MR1: variants seen among roughly 807,000 people sequenced by gnomAD.
MR1 encodes major histocompatibility complex, class I-related, also known as major histocompatibility complex class I-related protein 1.
MR1 carries 44 observed loss-of-function variants against 37.8 expected under a neutral mutation model. The observed-to-expected ratio is 1.16, with a 90% CI of 0.91 to 1.50. MR1 has a LOEUF of 1.50. Ranked by LOEUF, MR1 falls within the 40% of genes most tolerant of loss-of-function variation. The pLI is 0.00. For synonymous variants in MR1, 153 were observed against 155.8 expected, an observed-to-expected ratio of 0.98 and a Z score of 0.13; for missense variants, 386 against 419.1, an observed-to-expected ratio of 0.92 and a Z score of 0.69.
chr1:181,053,083 A>C (rs926067443), intron 4 of MR1, among the ~76,000 whole-genome samples: 1 of 152,080 alleles, frequency 6.6e-6, no homozygotes, highest in East Asian at 1.9e-4. Context: ...CAAAAAAACA[A>C]AAAACAAAAA....
chr1:181,058,551 A>G lies in MR1; in HGVS notation c.*3286A>G, dbSNP rs1658734216. ...TCCTTTCCTCTCTCCTCTTACTCCC[A>G]TGATTTCCAAGTTGTGATCCTTTCC... is the stretch of plus-strand genomic sequence containing the variant. On this transcript the variant is annotated 3_prime_UTR_variant, in exon 6 of 6. Transcript: ENST00000367580. The G allele has an allele frequency of 6.6e-6, 1 of 152,132 alleles. No individual in the cohort carries two copies. Among genetic ancestry groups the G allele is most frequent in the Admixed American group, 6.5e-5 (1 of 15,276 alleles). 9.4% of individuals were successfully genotyped at this position (152,132 alleles called of 1,614,324 possible). A position where few individuals can be genotyped will look rare whatever the true frequency, so the allele number is the denominator to read the frequency against.
chr1:181,049,891 G>C, intron 2 of MR1, 120 bp from the exon 3 acceptor site: 4 of 1,195,488 alleles, frequency 3.3e-6, no homozygotes, highest in Non-Finnish European at 4.7e-6. Context: ...TGCCATGGCA[G>C]GCCTGGGGGG....
upstream of MR1, chr1:181,033,466 T>G (rs1360313505): frequency 6.6e-6 from 1 of 152,302 alleles, no homozygotes; most frequent in African/African-American, 2.4e-5. Flanking sequence ...TTTTATTCAG[T>G]AAGTGTTTTG....
chr1:181,047,677 C>T (rs1657980331), intron 1 of MR1, among the ~76,000 whole-genome samples: 2 of 151,738 alleles, frequency 1.3e-5, no homozygotes, highest in Non-Finnish European at 2.9e-5. Flanking sequence ...GCAGGCGGAT[C>T]ACGAGGTCAG....
At chr1:181,052,536 A>G (rs1278949365) in intron 4 of MR1, 26 bp downstream of exon 4, 2 of 1,602,138 alleles carry the variant, frequency 1.2e-6, no homozygotes, top group South Asian at 2.2e-5. Flanking sequence ...GTGGCTGTCT[A>G]GGGAGAGAGC....
intron 3 of MR1, chr1:181,051,249 T>C (rs1026318088): frequency 2.2e-5 from 3 of 137,018 alleles, no homozygotes; most frequent in Non-Finnish European, 4.7e-5. Flanking sequence ...AACACACTCC[T>C]AAAAAAACAA....
At chr1:181,044,359 G>A (rs1657743110) in intron 1 of MR1, among the ~76,000 whole-genome samples, 1 of 152,170 alleles carries the variant, frequency 6.6e-6, no homozygotes, top group South Asian at 2.1e-4. Flanking sequence ...TAGTGGCAAG[G>A]GCCAGGTTAG....
At chr1:181,034,400 CAG>C (rs965205628) in intron 1 of MR1, among the ~76,000 whole-genome samples, 6 of 152,070 alleles carry the variant, frequency 3.9e-5, no homozygotes, top group African/African-American at 1.4e-4. Flanking sequence ...TTCTAACTTC[CAG>C]AGTCTCATGA....
chr1:181,034,374 T>C (rs1657164077), intron 1 of MR1, among the ~76,000 whole-genome samples: 1 of 152,194 alleles, frequency 6.6e-6, no homozygotes, highest in Admixed American at 6.5e-5. Context: ...TTTCTTTTAC[T>C]TTTGTTTCTC....
At chr1:181,052,609 C>A in intron 4 of MR1, 99 bp downstream of exon 4, 1 of 1,322,190 alleles carries the variant, frequency 7.6e-7, no homozygotes, top group South Asian at 1.4e-5. Context: ...AGATCACTGC[C>A]TCACTCAGTG....
At chr1:181,049,589 A>T (rs1658171583) in intron 2 of MR1, 1 of 533,910 alleles carries the variant, frequency 1.9e-6, no homozygotes, top group Non-Finnish European at 3.3e-6. Context: ...TCTGATATGC[A>T]TCTCCTTTTC....
chr1:181,053,543 G>C, intron 4 of MR1, 30 bp from the exon 5 acceptor site: 1 of 1,538,246 alleles, frequency 6.5e-7, no homozygotes, highest in Non-Finnish European at 9.0e-7. Flanking sequence ...AAGGGGACTT[G>C]TGGATTTTTT....
intron 1 of MR1, among the ~76,000 whole-genome samples, chr1:181,035,746 C>A (rs1178088700): frequency 1.3e-5 from 2 of 152,172 alleles, no homozygotes; most frequent in Non-Finnish European, 2.9e-5. Flanking sequence ...TGACCACGCT[C>A]ACATAAGGAG....
In MR1 at chr1:181,061,162, T is replaced by C. The variant is rs1189042900; in HGVS notation, c.*5897T>C. ...CATAATGCCACTCAGCAAGCCTTGGTTGTAAATCTAGTTTGATTACATTTG... is the reference window on the plus strand; with the variant it reads ...CATAATGCCACTCAGCAAGCCTTGGCTGTAAATCTAGTTTGATTACATTTG... On this transcript the variant is annotated 3_prime_UTR_variant, in exon 6 of 6. Transcript: ENST00000367580. The C allele has an allele frequency of 6.6e-6, 1 of 152,200 alleles. No homozygotes were observed. Among genetic ancestry groups the C allele is most frequent in the Non-Finnish European group, 1.5e-5 (1 of 68,026 alleles). 9.4% of individuals were successfully genotyped at this position (152,200 alleles called of 1,614,324 possible). A position where few individuals can be genotyped will look rare whatever the true frequency, so the allele number is the denominator to read the frequency against.
chr1:181,049,480 C>G lies in MR1; in HGVS notation c.328+168C>G, dbSNP rs556601625. 11 of 762,052 alleles carry G rather than the reference C, an allele frequency of 1.4e-5. No individual in the cohort carries two copies. The South Asian group carries it at 1.9e-4, about 13-fold the overall frequency. The allele number at this position is 762,052 out of a possible 1,614,324, so 47.2% of individuals were successfully genotyped here. A position where few individuals can be genotyped will look rare whatever the true frequency, so the allele number is the denominator to read the frequency against. On this transcript the variant is annotated intron_variant, in intron 2 of 5. Coordinates refer to ENST00000367580, the MANE Select transcript of MR1 (RefSeq NM_001385161.1). The stretch of plus-strand genomic sequence containing the variant: ...GGCCTCCCATCTGCCTGTGCATCTT[C>G]TGGACTGTCCCTCTCTCCCCCAGGA...
chr1:181,047,369 G>A (rs1413891366), intron 1 of MR1, among the ~76,000 whole-genome samples: 37 of 152,092 alleles, frequency 2.4e-4, no homozygotes, highest in Admixed American at 2.4e-3. Context: ...GGGAGGCCGA[G>A]GTGGGCAGAT....
intron 1 of MR1, among the ~76,000 whole-genome samples, chr1:181,041,809 C>G (rs943114282): frequency 6.6e-6 from 1 of 152,118 alleles, no homozygotes; most frequent in African/African-American, 2.4e-5. Flanking sequence ...TTTTATTTTT[C>G]TTCACTGTAC....
chr1:181,048,211 C>T (rs552908086), intron 1 of MR1, among the ~76,000 whole-genome samples: 22 of 143,332 alleles, frequency 1.5e-4, no homozygotes, highest in African/African-American at 5.1e-4. Context: ...AGCAAGACTC[C>T]ATCTCAAAAA....
At chr1:181,048,839 G>A (rs914346789) in intron 1 of MR1, among the ~76,000 whole-genome samples, 6 of 152,176 alleles carry the variant, frequency 3.9e-5, no homozygotes, top group African/African-American at 1.2e-4. Flanking sequence ...AAACCTGAAC[G>A]AGAAAGGCTC....
Sources: allele counts gnomAD v4.1 joint callset (sites outside exome capture counted in the v4.1 genomes callset), GRCh38; gene constraint gnomAD v4.1.1; transcripts MANE v1.5; gene names NCBI Gene and HGNC (gene_info 2026-07-23, HGNC 2026-07-21).